DNMBP: variants seen among roughly 807,000 people sequenced by gnomAD.
DNMBP encodes the protein dynamin binding protein, also known as dynamin-binding protein.
DNMBP carries 87 observed loss-of-function variants against 150.0 expected under a neutral mutation model. The ratio of observed to expected loss-of-function variants is 0.58; its 90% CI spans 0.49 to 0.69. The LOEUF (loss-of-function observed/expected upper bound fraction) is 0.69. Ranked by LOEUF, DNMBP falls within the 30% of genes least tolerant of loss-of-function variation. The pLI is 0.00. For missense variants in DNMBP, 1,774 were observed against 1,949.0 expected (o/e 0.91, Z 1.69); for synonymous variants, 711 against 750.4 (o/e 0.95, Z 0.86).
At chr10:99,939,774 C>T (rs188858914) in intron 4 of DNMBP, among the ~76,000 whole-genome samples, 2 of 152,314 alleles carry the variant, frequency 1.3e-5, no homozygotes, top group Admixed American at 1.3e-4. Context: ...GCAGATAACG[C>T]CATTACTGTA....
rs532226561 is a variant in DNMBP at position 99,970,971 on chromosome 10, C to CAAAAAAAAAAA, written c.145+998_145+1008dup. On this transcript the variant is annotated intron_variant, in intron 2 of 16. Transcript: ENST00000324109. Reference sequence around the variant, plus strand: ...TGGGCAACAGAGCAAGACTCCGTCTCAAAAAAAAAAAAAAAAAAAAAAAAA... The same window carrying CAAAAAAAAAAA: ...TGGGCAACAGAGCAAGACTCCGTCTCAAAAAAAAAAAAAAAAAAAAAAAAAAAAAAAAAAAA... 3.6e-3 allele frequency among the ~76,000 whole-genome samples: 118 copies of CAAAAAAAAAAA among 33,188 alleles called. 17 individuals carry two copies. Among genetic ancestry groups the CAAAAAAAAAAA allele is most frequent in the Admixed American group, 6.5e-3 (12 of 1,844 alleles). The allele number at this position is 33,188 out of a possible 152,430, so 21.8% of individuals were successfully genotyped here. A position where few individuals can be genotyped will look rare whatever the true frequency, so the allele number is the denominator to read the frequency against.
chr10:99,905,631 G>A (rs1054496184), intron 6 of DNMBP, among the ~76,000 whole-genome samples: 1 of 152,132 alleles, frequency 6.6e-6, no homozygotes, highest in African/African-American at 2.4e-5. Context: ...AGGCTGAGGT[G>A]AGCCATGATC....
At chr10:100,005,203 A>G (rs921185595) in intron 1 of DNMBP, among the ~76,000 whole-genome samples, 1 of 152,138 alleles carries the variant, frequency 6.6e-6, no homozygotes, top group Non-Finnish European at 1.5e-5. Flanking sequence ...ATCTGGCACT[A>G]TTTAATCAAA....
intron 1 of DNMBP, among the ~76,000 whole-genome samples, chr10:100,005,597 A>G (rs1242422314): frequency 4.6e-5 from 7 of 151,968 alleles, no homozygotes; most frequent in African/African-American, 1.7e-4. Flanking sequence ...CTACTAAAAT[A>G]CAAAAAAATT....
intron 1 of DNMBP, among the ~76,000 whole-genome samples, chr10:100,000,468 C>T (rs1014103908): frequency 5.9e-5 from 9 of 152,088 alleles, no homozygotes; most frequent in South Asian, 4.1e-4. Context: ...ATGCTACTTT[C>T]GGGAAAATGC....
intron 1 of DNMBP, among the ~76,000 whole-genome samples, chr10:100,009,243 C>T (rs2041107600): frequency 6.6e-6 from 1 of 152,236 alleles, no homozygotes; most frequent in South Asian, 2.1e-4. Context: ...AAAGTGACAG[C>T]ATCACCACCC....
rs185905171 is a variant in DNMBP at position 99,995,975 on chromosome 10, T to C, written c.-11+13863A>G. 5.2e-3 allele frequency among the ~76,000 whole-genome samples: 798 copies of C among 152,356 alleles called. 15 individuals carry two copies. Among genetic ancestry groups the C allele is most frequent in the African/African-American group, 0.018 (769 of 41,574 alleles). On this transcript the variant is annotated intron_variant, in intron 1 of 16. Transcript: ENST00000324109. The stretch of plus-strand genomic sequence containing the variant: ...TACAATTACATTTACAGACTGCTTT[T>C]CAAATACATTATCTCCTGTATGTAT...
chr10:99,904,376 G>GTA (rs1241142621), intron 6 of DNMBP, among the ~76,000 whole-genome samples: 3 of 152,238 alleles, frequency 2.0e-5, no homozygotes, highest in Admixed American at 6.5e-5. Flanking sequence ...GGTAAAGCGA[G>GTA]TACTTTCCAC....
Position 99,931,278 on chromosome 10 carries a change from T to A in DNMBP, c.2261-22132A>T, listed in dbSNP as rs78657889. ...GCACCTCCATTCCCCATCCTCCAAGTCCACCTTTCTAATCCTTGAACATCT... is the reference window on the plus strand; with the variant it reads ...GCACCTCCATTCCCCATCCTCCAAGACCACCTTTCTAATCCTTGAACATCT... On this transcript the variant is annotated intron_variant, in intron 4 of 16. Transcript: ENST00000324109. Among the ~76,000 whole-genome samples the A allele has an allele frequency of 8.4e-3, 1,286 of 152,254 alleles. 21 individuals carry two copies. The highest frequency in any genetic ancestry group is 0.03 in the African/African-American group (1,232 of 41,544).
At chr10:99,897,679 A>C (rs2039675554) in intron 9 of DNMBP, among the ~76,000 whole-genome samples, 1 of 152,174 alleles carries the variant, frequency 6.6e-6, no homozygotes, top group Admixed American at 6.5e-5. Context: ...GCTCACGCCT[A>C]TAATCACAGC....
rs759259788 is a variant in DNMBP at position 99,956,201 on chromosome 10, G to T, written c.1273C>A (p.Gln425Lys). Residue 425 changes from glutamine to lysine, a missense_variant, in exon 4 of 17, where the codon CAG (glutamine) becomes AAG (lysine). Transcript: ENST00000324109. ...QPQVPFHPNL[Q>K]KSQYYSTVGG... The stretch of plus-strand genomic sequence containing the variant: ...ACTGTAGAATAATACTGGCTTTTCT[G>T]CAAGTTGGGATGAAAAGGGACCTGA... 2.5e-6 allele frequency: 4 copies of T among 1,613,912 alleles called. No individual in the cohort carries two copies. The highest frequency in any genetic ancestry group is 1.7e-5 in the Admixed American group (1 of 59,994).
chr10:99,943,757 T>G (rs575586856), intron 4 of DNMBP, among the ~76,000 whole-genome samples: 1 of 152,280 alleles, frequency 6.6e-6, no homozygotes, highest in South Asian at 2.1e-4. Flanking sequence ...AATGACAAAT[T>G]GCTTCTGCAT....
intron 11 of DNMBP, among the ~76,000 whole-genome samples, chr10:99,891,364 G>A (rs1310891366): frequency 3.3e-5 from 5 of 151,340 alleles, no homozygotes; most frequent in African/African-American, 1.2e-4. Context: ...TGGTGGAGAC[G>A]GGGTTTCGCT....
chr10:99,988,528 T>C (rs1048697960), intron 1 of DNMBP, among the ~76,000 whole-genome samples: 1 of 152,216 alleles, frequency 6.6e-6, no homozygotes, highest in African/African-American at 2.4e-5. Context: ...CATAGTGTTA[T>C]GAATTAGAAT....
chr10:99,924,438 G>A (rs945578351), intron 4 of DNMBP, among the ~76,000 whole-genome samples: 8 of 152,304 alleles, frequency 5.3e-5, no homozygotes, highest in African/African-American at 1.7e-4. Flanking sequence ...GCGAGACTCC[G>A]TCTCAAAAAT....
rs957542037 is a variant in DNMBP at position 99,948,429 on chromosome 10, T to C, written c.2260+6785A>G. On this transcript the variant is annotated intron_variant, in intron 4 of 16. Transcript: ENST00000324109. ...TCCTTCAGGAATTTGGAAACATTAG[T>C]TGACTACAAACAACTGACAGAAACA... Among the ~76,000 whole-genome samples the C allele has an allele frequency of 1.4e-4, 22 of 152,234 alleles. 1 individual carries two copies. The highest frequency in any genetic ancestry group is 3.2e-4 in the Non-Finnish European group (22 of 68,038).
chr10:99,907,797 A>G (rs992057838), intron 6 of DNMBP, among the ~76,000 whole-genome samples, 198 bp downstream of exon 6: 2 of 152,186 alleles, frequency 1.3e-5, no homozygotes, highest in African/African-American at 4.8e-5. Flanking sequence ...ATCCAAAACT[A>G]CTTCTATTGC....
rs1564729771 is a variant in DNMBP, at chr10:99,913,850, A to C, written c.2261-4704T>G. 3 of 1,212,224 alleles carry C rather than the reference A, an allele frequency of 2.5e-6. 1 individual carries two copies. The South Asian group carries it at 1.1e-4, about 45-fold the overall frequency. 75.1% of individuals were successfully genotyped at this position (1,212,224 alleles called of 1,614,324 possible). ...AAAGCTGGATCTATCTCTAATGGGG[A>C]AAATTTTGAGCTCCCGGCCAGATCC... On this transcript the variant is annotated intron_variant, in intron 4 of 16. Coordinates refer to ENST00000324109, the MANE Select transcript of DNMBP (RefSeq NM_015221.4).
chr10:99,976,881 A>G (rs771729508), intron 1 of DNMBP, among the ~76,000 whole-genome samples: 1 of 152,136 alleles, frequency 6.6e-6, no homozygotes, highest in African/African-American at 2.4e-5. Flanking sequence ...GCCAAATTAG[A>G]TACTATTTTT....
Sources: allele counts gnomAD v4.1 joint callset (sites outside exome capture counted in the v4.1 genomes callset), GRCh38; gene constraint gnomAD v4.1.1; transcripts MANE v1.5; gene names NCBI Gene and HGNC (gene_info 2026-07-23, HGNC 2026-07-21).